The following KIF1B variants were observed in gnomAD, a reference collection of about 807,000 sequenced individuals.
KIF1B encodes the protein kinesin-like protein KIF1B.
A neutral mutation model predicts 241.9 loss-of-function variants in KIF1B; 76 were observed. The ratio of observed to expected loss-of-function variants is 0.31; its 90% confidence interval spans 0.26 to 0.38. The LOEUF (loss-of-function observed/expected upper bound fraction) is 0.38. Ranked by LOEUF, KIF1B falls within the 10% of genes least tolerant of loss-of-function variation. The pLI is 1.00. For missense variants in KIF1B, 1,622 were observed against 2,271.4 expected (o/e 0.71, Z 5.81); for synonymous variants, 750 against 796.7 (o/e 0.94, Z 0.99).
At chr1:10,291,934 C>A in intron 16 of KIF1B, 113 bp from the exon 17 acceptor site, 1 of 829,074 alleles carries the variant, frequency 1.2e-6, no homozygotes, top group Non-Finnish European at 2.1e-6. Context: ...GCATTATTGG[C>A]TATAAACATG....
At chr1:10,232,472 C>A in intron 2 of KIF1B, 38 bp downstream of exon 2, 1 of 1,403,678 alleles carries the variant, frequency 7.1e-7, no homozygotes, top group Non-Finnish European at 1.0e-6. Flanking sequence ...GTGTATCTTA[C>A]TTTCCTTTCT....
intron 22 of KIF1B, among the ~76,000 whole-genome samples, chr1:10,309,244 T>C (rs1424727028): frequency 2.6e-5 from 4 of 152,238 alleles, no homozygotes; most frequent in South Asian, 2.1e-4. Context: ...TCTGAAACTT[T>C]AGAGAAGTGT....
chr1:10,278,593 C>A, intron 13 of KIF1B: 1 of 195,444 alleles, frequency 5.1e-6, no homozygotes. Flanking sequence ...CTTTGAATGG[C>A]CCCCTCCTCC....
chr1:10,368,988 C>T (rs1305958700), intron 44 of KIF1B, among the ~76,000 whole-genome samples: 1 of 152,188 alleles, frequency 6.6e-6, no homozygotes, highest in Non-Finnish European at 1.5e-5. Context: ...CGGCTCATTC[C>T]TGCCTTGGGG....
chr1:10,319,733 T>G (rs543286204), intron 22 of KIF1B, among the ~76,000 whole-genome samples: 25 of 152,294 alleles, frequency 1.6e-4, no homozygotes, highest in African/African-American at 6.0e-4. Flanking sequence ...ACACGTGTTA[T>G]TTCACCTAAA....
intron 15 of KIF1B, among the ~76,000 whole-genome samples, chr1:10,283,501 G>C (rs1016783141): frequency 1.3e-5 from 2 of 152,200 alleles, no homozygotes; most frequent in African/African-American, 4.8e-5. Flanking sequence ...GTATGAATAT[G>C]AAAGTTAAGA....
intron 48 of KIF1B, among the ~76,000 whole-genome samples, chr1:10,376,078 C>T (rs936040290): frequency 4.6e-5 from 7 of 151,990 alleles, no homozygotes; most frequent in Non-Finnish European, 8.8e-5. Context: ...GCTGGGATTA[C>T]AAGCGTGAGC....
chr1:10,321,975 A>G (rs1651542586), intron 24 of KIF1B, 118 bp downstream of exon 24: 3 of 1,053,310 alleles, frequency 2.8e-6, no homozygotes, highest in Non-Finnish European at 4.3e-6. Flanking sequence ...TTTGTGCTAT[A>G]AAACAGCTTT....
chr1:10,278,597 C>T lies in KIF1B; in HGVS notation c.1180+469C>T, dbSNP rs910178336. ...ATAAGATTCACCTTTGAATGGCCCC[C>T]TCCTCCTGTAAAATGCTGGAGTGCC... On this transcript the variant is annotated intron_variant, in intron 13 of 48. Transcript: ENST00000676179. 1.1e-4 allele frequency: 22 copies of T among 195,574 alleles called. No homozygotes were observed. In the Admixed American group the frequency reaches 1.2e-3, roughly 10 times the overall value. 12.1% of individuals were successfully genotyped at this position (195,574 alleles called of 1,614,324 possible). A position where few individuals can be genotyped will look rare whatever the true frequency, so the allele number is the denominator to read the frequency against.
At chr1:10,268,075 T>C (rs1648569460) in intron 6 of KIF1B, 77 bp from the exon 7 acceptor site, 3 of 893,546 alleles carry the variant, frequency 3.4e-6, no homozygotes. Context: ...GTTATGCTTA[T>C]AATGTGGAGC....
At chr1:10,370,147 G>A (rs1477358029) in intron 44 of KIF1B, among the ~76,000 whole-genome samples, 1 of 152,168 alleles carries the variant, frequency 6.6e-6, no homozygotes, top group Non-Finnish European at 1.5e-5. Flanking sequence ...CAGCTACTCA[G>A]GAGGCTGTGG....
chr1:10,301,301 C>G (rs1453580614), intron 22 of KIF1B, among the ~76,000 whole-genome samples: 2 of 152,100 alleles, frequency 1.3e-5, no homozygotes, highest in African/African-American at 4.8e-5. Context: ...TTTTCATTTA[C>G]TAGACTGCCC....
rs1336103373 is a variant in KIF1B, at chr1:10,360,924, C to T, written c.4056-5C>T. The T allele has an allele frequency of 6.2e-7, 1 of 1,601,226 alleles. No homozygotes were observed. Among genetic ancestry groups the T allele is most frequent in the Admixed American group, 1.7e-5 (1 of 59,986 alleles). ...GATGATTCCCTCTTGTCTTTCTGAC[C>T]TTAGGACCTTCTACCGCTTTGAGGC... On this transcript the variant is annotated splice_polypyrimidine_tract_variant and splice_region_variant and intron_variant, in intron 38 of 48. Transcript: ENST00000676179.
chr1:10,304,270 G>A (rs769625516), intron 22 of KIF1B: 10 of 1,614,180 alleles, frequency 6.2e-6, no homozygotes, highest in East Asian at 2.2e-5. Flanking sequence ...GAGAAGTCAA[G>A]ATCACATCCA....
At position 10,236,602 on chromosome 1, in the gene KIF1B, T is replaced by C. The variant is rs982503376; in HGVS notation, c.106+4168T>C. Among the ~76,000 whole-genome samples, 3 of 152,248 alleles carry C rather than the reference T, an allele frequency of 2.0e-5. No homozygotes were observed. The East Asian group carries it at 5.8e-4, about 29-fold the overall frequency. On this transcript the variant is annotated intron_variant, in intron 2 of 48. Transcript: ENST00000676179. ...CAGTTTGGTTCCTTTGAAAGGTATC[T>C]GTTCTTGGAAGGCAATTAATCATAT... is the stretch of plus-strand genomic sequence containing the variant.
chr1:10,344,403 A>T (rs993281381), intron 34 of KIF1B, among the ~76,000 whole-genome samples: 1 of 152,196 alleles, frequency 6.6e-6, no homozygotes, highest in Non-Finnish European at 1.5e-5. Flanking sequence ...ACTTGAGCTG[A>T]ATGTAGAGCT....
chr1:10,326,107 C>T lies in KIF1B; in HGVS notation c.2676-4C>T. The T allele has an allele frequency of 6.2e-7, 1 of 1,614,044 alleles. No homozygotes were observed. ...TGTTAATTGGCGTCTTACCTGGTGT[C>T]TAGCTCCCCCATTTTCCACGGCTGT... On this transcript the variant is annotated splice_region_variant and splice_polypyrimidine_tract_variant and intron_variant, in intron 26 of 48. Transcript: ENST00000676179. The surrounding 1 kb of genome is among the most constrained non-coding windows in gnomAD (Gnocchi z 5.2).
At chr1:10,355,236 TTGTC>T (rs1340302406) in intron 38 of KIF1B, 17 of 152,502 alleles carry the variant, frequency 1.1e-4, no homozygotes, top group South Asian at 2.1e-4. Flanking sequence ...TCTGTGTTAA[TTGTC>T]TGTCCACTTG....
chr1:10,364,355 C>A (rs1237506711), intron 41 of KIF1B, among the ~76,000 whole-genome samples: 1 of 151,958 alleles, frequency 6.6e-6, no homozygotes, highest in African/African-American at 2.4e-5. Context: ...CAAGCACCCA[C>A]CACCATGCCC....
Sources: allele counts gnomAD v4.1 joint callset (sites outside exome capture counted in the v4.1 genomes callset), GRCh38; gene constraint gnomAD v4.1.1; non-coding constraint Gnocchi (gnomAD v3.1); transcripts MANE v1.5; gene names NCBI Gene and HGNC (gene_info 2026-07-23, HGNC 2026-07-21).